Variants in BAZ1B observed in about 807,000 individuals in gnomAD.
BAZ1B encodes the protein bromodomain adjacent to zinc finger domain 1B.
BAZ1B carries 22 observed loss-of-function variants against 153.8 expected under a neutral mutation model. The ratio of observed to expected loss-of-function variants is 0.14; its 90% CI spans 0.10 to 0.20. BAZ1B has a LOEUF of 0.20. Ranked by LOEUF, BAZ1B falls within the 10% of genes least tolerant of loss-of-function variation. The pLI, the probability that BAZ1B is intolerant of heterozygous loss-of-function variation, is 1.00. For missense variants in BAZ1B, 1,325 were observed against 1,799.3 expected (o/e 0.74, Z 4.77); for synonymous variants, 676 against 633.4 (o/e 1.07, Z -1.01).
chr7:73,512,028 CAAAAAAAAAAAAAAAAAA>C (rs1168749967), intron 1 of BAZ1B, among the ~76,000 whole-genome samples: 4 of 34,746 alleles, frequency 1.2e-4, no homozygotes, highest in Admixed American at 5.4e-4. Flanking sequence ...AACTCCACCT[CAAAAAAAAAAAAAAAAAA>C]AAAAAAAAAA....
At chr7:73,451,068 C>T in intron 13 of BAZ1B, 74 bp from the exon 14 acceptor site, 1 of 1,549,770 alleles carries the variant, frequency 6.5e-7, no homozygotes, top group South Asian at 1.2e-5. Flanking sequence ...GAACAGGGGA[C>T]AGTATGAGAG....
At chr7:73,460,113 C>T (rs1340139074) in intron 12 of BAZ1B, among the ~76,000 whole-genome samples, 6 of 148,678 alleles carry the variant, frequency 4.0e-5, no homozygotes, top group Non-Finnish European at 8.9e-5. Context: ...CACTTGAACC[C>T]GGGAGGAGGA....
At chr7:73,476,774 TAAAC>T (rs1789015556) in intron 7 of BAZ1B, 90 bp downstream of exon 7, 14 of 1,510,536 alleles carry the variant, frequency 9.3e-6, no homozygotes, top group Middle Eastern at 3.5e-4. Context: ...CAGAAATAAG[TAAAC>T]AAACAGAGAC....
At chr7:73,514,834 C>A (rs1482979975) in intron 1 of BAZ1B, among the ~76,000 whole-genome samples, 1 of 151,990 alleles carries the variant, frequency 6.6e-6, no homozygotes, top group African/African-American at 2.4e-5. Context: ...GTAATCCCAG[C>A]ACTTTGGGAG....
intron 4 of BAZ1B, 133 bp from the exon 5 acceptor site, chr7:73,493,054 G>T: frequency 1.1e-6 from 1 of 926,898 alleles, no homozygotes; most frequent in Non-Finnish European, 1.6e-6. Flanking sequence ...GAATCATAAT[G>T]TCCTTAACTT....
chr7:73,450,813 T>C lies in BAZ1B; in HGVS notation c.3580+34A>G, dbSNP rs1554568019. ...TGGGAATAGAAATCCTACTCCCTAA[T>C]ATACCCACATAAGCAAATTTGATTT... On this transcript the variant is annotated intron_variant, in intron 14 of 19. Transcript: ENST00000339594. The surrounding 1 kb of genome is among the most constrained non-coding windows in gnomAD (Gnocchi z 4.1). 3 of 1,610,170 alleles carry C rather than the reference T, an allele frequency of 1.9e-6. No homozygotes were observed. The highest frequency in any genetic ancestry group is 2.5e-6 in the Non-Finnish European group (3 of 1,176,676).
chr7:73,459,612 C>T lies in BAZ1B; in HGVS notation c.3356G>A (p.Arg1119Lys). ...LQGFMAPKQK[R>K]RKLQSEDSAK... is the part of the protein sequence containing the mutation. ...TGAATCTTCACTTTGGAGTTTTCTT[C>T]TCTTTTGCTTGGGAGCCATGAAGCC... Residue 1119 changes from arginine (R) to lysine (K), a missense_variant, in exon 13 of 20, where the codon AGA becomes AAA. Transcript: ENST00000339594. 6.2e-7 allele frequency: 1 copy of T among 1,614,060 alleles called. No homozygotes were observed. Among genetic ancestry groups the T allele is most frequent in the Non-Finnish European group, 8.5e-7 (1 of 1,180,018 alleles).
At chr7:73,497,970 AGTTTT>A (rs1435090498) in intron 4 of BAZ1B, among the ~76,000 whole-genome samples, 2 of 141,936 alleles carry the variant, frequency 1.4e-5, no homozygotes, top group African/African-American at 2.6e-5. Context: ...TTTGAGATGG[AGTTTT>A]GTTTTTGTGG....
chr7:73,513,158 G>T (rs1358106013), intron 1 of BAZ1B, among the ~76,000 whole-genome samples: 1 of 152,074 alleles, frequency 6.6e-6, no homozygotes, highest in East Asian at 1.9e-4. Context: ...TCACCACATT[G>T]CCCAGGTTGG....
At chr7:73,462,792 T>C (rs2116285261) in intron 12 of BAZ1B, 130 bp downstream of exon 12, 1 of 1,034,898 alleles carries the variant, frequency 9.7e-7, no homozygotes, top group Non-Finnish European at 1.5e-6. Context: ...GTTCCATACA[T>C]GTCTTCCAAG....
At chr7:73,501,218 T>C (rs1790119318) in intron 3 of BAZ1B, among the ~76,000 whole-genome samples, 1 of 152,176 alleles carries the variant, frequency 6.6e-6, no homozygotes, top group African/African-American at 2.4e-5. Context: ...ATCACGCCAT[T>C]GCACTCCAGC....
intron 3 of BAZ1B, among the ~76,000 whole-genome samples, chr7:73,505,151 G>A (rs1380521080): frequency 6.6e-6 from 1 of 152,094 alleles, no homozygotes; most frequent in African/African-American, 2.4e-5. Flanking sequence ...GTAAGCCAAG[G>A]TCTAGCCAAT....
rs782383761 is a variant in BAZ1B, at chr7:73,465,426, G to A, written c.3071+13C>T. The A allele has an allele frequency of 2.6e-5, 40 of 1,536,502 alleles. No individual in the cohort carries two copies. The highest frequency in any genetic ancestry group is 3.5e-6 in the Non-Finnish European group (4 of 1,127,662). On this transcript the variant is annotated intron_variant, in intron 11 of 19. Transcript: ENST00000339594. The stretch of plus-strand genomic sequence containing the variant: ...AGAAGTAAGATGTGAGGAGTAAGAT[G>A]AAAACCTCTTACCTCTTCTCTAGTC...
chr7:73,481,922 C>A (rs1273945286), intron 6 of BAZ1B, among the ~76,000 whole-genome samples: 2 of 152,060 alleles, frequency 1.3e-5, no homozygotes, highest in Admixed American at 1.3e-4. Flanking sequence ...GCCTGTAGTC[C>A]CAGTTACTCG....
At chr7:73,502,047 T>A (rs1205836505) in intron 3 of BAZ1B, among the ~76,000 whole-genome samples, 1 of 151,892 alleles carries the variant, frequency 6.6e-6, no homozygotes, top group African/African-American at 2.4e-5. Flanking sequence ...CGCGCCACCA[T>A]GCCTGGCTAA....
chr7:73,442,015 G>A (rs1393603888), intron 19 of BAZ1B, 166 bp downstream of exon 19: 1 of 596,312 alleles, frequency 1.7e-6, no homozygotes, highest in African/African-American at 1.9e-5. Flanking sequence ...TCTGGACAAA[G>A]ACCACCAACC....
chr7:73,452,724 G>GAA (rs1268068593), intron 13 of BAZ1B, among the ~76,000 whole-genome samples: 24 of 81,880 alleles, frequency 2.9e-4, no homozygotes, highest in East Asian at 3.8e-4. Context: ...TTCATCTCGA[G>GAA]AAAAAAAAAA....
rs1787999351 is a variant in BAZ1B, at chr7:73,450,626, T to C, written c.3580+221A>G. On this transcript the variant is annotated intron_variant, in intron 14 of 19. Coordinates refer to ENST00000339594, the MANE Select transcript of BAZ1B (RefSeq NM_032408.4). This position sits in a 1 kb window ranked among gnomAD's most constrained non-coding sequence, Gnocchi z 4.1. ...AAAATCAGAAGATTGAAGAGATCAA[T>C]TGCTTTTATGTTATGCTCTAAACCG... Among the ~76,000 whole-genome samples the C allele has an allele frequency of 6.6e-6, 1 of 152,216 alleles. No homozygotes were observed. Among genetic ancestry groups the C allele is most frequent in the Non-Finnish European group, 1.5e-5 (1 of 68,040 alleles).
intron 3 of BAZ1B, among the ~76,000 whole-genome samples, chr7:73,507,494 G>C (rs1454800634): frequency 6.6e-6 from 1 of 152,048 alleles, no homozygotes; most frequent in Non-Finnish European, 1.5e-5. Flanking sequence ...GTTGCAATGA[G>C]CCAAGATCGC....
Sources: allele counts gnomAD v4.1 joint callset (sites outside exome capture counted in the v4.1 genomes callset), GRCh38; gene constraint gnomAD v4.1.1; non-coding constraint Gnocchi (gnomAD v3.1); transcripts MANE v1.5; gene names NCBI Gene and HGNC (gene_info 2026-07-23, HGNC 2026-07-21).